Variants in KIAA1217 observed in about 807,000 individuals in gnomAD.
KIAA1217 encodes the protein sickle tail protein homolog.
A neutral mutation model predicts 163.9 loss-of-function variants in KIAA1217; 88 were observed. The observed-to-expected ratio is 0.54, with a 90% CI of 0.45 to 0.64. KIAA1217 has a LOEUF of 0.64. KIAA1217 is among the 30% of genes least tolerant of loss of function. KIAA1217 has a pLI of 0.00. For synonymous variants in KIAA1217, 903 were observed against 923.1 expected, an observed-to-expected ratio of 0.98 and a Z score of 0.39; for missense variants, 2,372 against 2,475.0, an observed-to-expected ratio of 0.96 and a Z score of 0.88.
rs182854646 is a variant in KIAA1217 at position 23,735,652 on chromosome 10, T to C, written c.-321+40418T>C. 7.1e-3 allele frequency among the ~76,000 whole-genome samples: 1,087 copies of C among 152,250 alleles called. 29 individuals are homozygous for C. Among genetic ancestry groups the C allele is most frequent in the Non-Finnish European group, 5.2e-3 (352 of 68,010 alleles). Reference sequence around the variant, plus strand: ...AATTAGGTTATTTGCTTTATTCTCATTGGGCTCAATGAGATCTTTATATAT... The same window carrying C: ...AATTAGGTTATTTGCTTTATTCTCACTGGGCTCAATGAGATCTTTATATAT... On this transcript the variant is annotated intron_variant, in intron 1 of 18. Coordinates refer to the KIAA1217 transcript ENST00000376462.
intron 2 of KIAA1217, among the ~76,000 whole-genome samples, chr10:24,258,117 G>C (rs1234378124): frequency 1.3e-5 from 2 of 152,102 alleles, no homozygotes; most frequent in East Asian, 3.9e-4. Context: ...AGAGGTCAAG[G>C]CTGCCGTGAG....
intron 1 of KIAA1217, among the ~76,000 whole-genome samples, chr10:23,896,812 G>A (rs555850139): frequency 7.9e-5 from 12 of 152,078 alleles, no homozygotes; most frequent in Middle Eastern, 3.4e-3. Context: ...TTAAGAGCTG[G>A]CTTCTTTTTT....
intron 2 of KIAA1217, among the ~76,000 whole-genome samples, chr10:24,063,518 T>G (rs1416064388): frequency 2.0e-5 from 3 of 152,226 alleles, no homozygotes; most frequent in Non-Finnish European, 4.4e-5. Flanking sequence ...TTGGTACCAG[T>G]ACCATGCTGT....
intron 1 of KIAA1217, among the ~76,000 whole-genome samples, chr10:23,723,017 C>G (rs917344423): frequency 6.6e-6 from 1 of 152,166 alleles, no homozygotes; most frequent in Non-Finnish European, 1.5e-5. Flanking sequence ...CATCAGACAG[C>G]CCTTCAATAG....
At chr10:23,877,692 T>C (rs1840758801) in intron 1 of KIAA1217, among the ~76,000 whole-genome samples, 1 of 152,002 alleles carries the variant, frequency 6.6e-6, no homozygotes, top group Non-Finnish European at 1.5e-5. Context: ...TTTGATAGCT[T>C]CTGAATAAAT....
chr10:24,194,270 T>A (rs2066871083), intron 2 of KIAA1217, among the ~76,000 whole-genome samples: 1 of 147,704 alleles, frequency 6.8e-6, no homozygotes, highest in Non-Finnish European at 1.5e-5. Flanking sequence ...AATCTTGGCC[T>A]TCATTTCCCT....
intron 1 of KIAA1217, among the ~76,000 whole-genome samples, chr10:23,883,620 A>C (rs981351631): frequency 6.6e-6 from 1 of 151,926 alleles, no homozygotes; most frequent in Non-Finnish European, 1.5e-5. Context: ...ATGAACCTAC[A>C]TTGACACATC....
intron 1 of KIAA1217, among the ~76,000 whole-genome samples, chr10:23,866,376 G>C (rs1010371288): frequency 2.6e-5 from 4 of 152,130 alleles, no homozygotes; most frequent in Non-Finnish European, 5.9e-5. Flanking sequence ...TAATAAAAGT[G>C]GGTGAAAATT....
At position 23,870,269 on chromosome 10, in the gene KIAA1217, A is replaced by G. The variant is rs976184986; in HGVS notation, c.-320-136956A>G. Among the ~76,000 whole-genome samples the G allele has an allele frequency of 2.0e-5, 3 of 152,102 alleles. No homozygotes were observed. In the South Asian group the frequency reaches 6.2e-4, roughly 31 times the overall value. The stretch of plus-strand genomic sequence containing the variant: ...ATGCTGACTATATCCAGAGGTGGAA[A>G]TGTGTCTGGAGGCAGAAACATCTCT... On this transcript the variant is annotated intron_variant, in intron 1 of 18. Coordinates refer to the KIAA1217 transcript ENST00000376462.
intron 8 of KIAA1217, among the ~76,000 whole-genome samples, chr10:24,498,009 AG>A (rs1439629816): frequency 6.6e-6 from 1 of 152,214 alleles, no homozygotes; most frequent in African/African-American, 2.4e-5. Context: ...TTAGGCCCAC[AG>A]AGACAGAAAG....
intron 5 of KIAA1217, among the ~76,000 whole-genome samples, chr10:24,459,839 G>C (rs1310615349): frequency 1.3e-5 from 2 of 152,182 alleles, no homozygotes; most frequent in Admixed American, 1.3e-4. Context: ...GCTGAGGTGG[G>C]AGGATCACTT....
At chr10:24,501,842 G>A (rs1470435448) in intron 9 of KIAA1217, among the ~76,000 whole-genome samples, 1 of 134,262 alleles carries the variant, frequency 7.4e-6, no homozygotes, top group Admixed American at 8.7e-5. Flanking sequence ...TCCGTCTCCC[G>A]GGTTCACGCC....
chr10:24,429,931 T>C (rs2059458166), intron 3 of KIAA1217, among the ~76,000 whole-genome samples: 1 of 152,040 alleles, frequency 6.6e-6, no homozygotes, highest in Non-Finnish European at 1.5e-5. Context: ...TCACTTGAGC[T>C]CAGGAGTTTA....
At chr10:24,531,504 A>G (rs763748881) in intron 14 of KIAA1217, among the ~76,000 whole-genome samples, 3 of 152,188 alleles carry the variant, frequency 2.0e-5, no homozygotes, top group African/African-American at 7.2e-5. Flanking sequence ...ATTTAATAAT[A>G]GTAGGTAATA....
At chr10:24,326,608 G>A (rs2044938359) in intron 2 of KIAA1217, among the ~76,000 whole-genome samples, 1 of 152,106 alleles carries the variant, frequency 6.6e-6, no homozygotes. Context: ...GTTATTAAAT[G>A]TCATGCTTTT....
In KIAA1217 at chr10:24,096,167, C is replaced by T. The variant is rs546227810; in HGVS notation, c.-171+88793C>T. 2.0e-5 allele frequency among the ~76,000 whole-genome samples: 3 copies of T among 152,302 alleles called. No individual in the cohort carries two copies. The South Asian group carries it at 6.2e-4, about 32-fold the overall frequency. On this transcript the variant is annotated intron_variant, in intron 2 of 18. Coordinates refer to the KIAA1217 transcript ENST00000376462. ...GCATCAACCTCCACACCCATGCCTG[C>T]TTCTTTTTCTGGGTTCCCAACTCCT...
intron 2 of KIAA1217, among the ~76,000 whole-genome samples, chr10:24,191,117 C>T (rs1383400395): frequency 1.3e-5 from 2 of 152,026 alleles, no homozygotes; most frequent in Non-Finnish European, 2.9e-5. Context: ...AAGGTTGTGG[C>T]TGCAGTGAAC....
In KIAA1217 at chr10:23,708,608, G is replaced by A. The variant is rs182378643; in HGVS notation, c.-321+13374G>A. 2.6e-5 allele frequency among the ~76,000 whole-genome samples: 4 copies of A among 152,296 alleles called. No homozygotes were observed. The East Asian group carries it at 5.8e-4, about 22-fold the overall frequency. ...AGTAGAGGAGGCCCAATATGTACAG[G>A]CCTTGAGGCAGTCCTTGCGGAAGGC... On this transcript the variant is annotated intron_variant, in intron 1 of 18. Coordinates refer to the KIAA1217 transcript ENST00000376462.
intron 2 of KIAA1217, among the ~76,000 whole-genome samples, chr10:24,378,890 C>G (rs1591449651): frequency 6.6e-6 from 1 of 152,152 alleles, no homozygotes; most frequent in Non-Finnish European, 1.5e-5. Context: ...TATAGCCCTG[C>G]ATCTCTGATT....
Sources: allele counts gnomAD v4.1 joint callset (sites outside exome capture counted in the v4.1 genomes callset), GRCh38; gene constraint gnomAD v4.1.1; transcripts MANE v1.5; gene names NCBI Gene and HGNC (gene_info 2026-07-23, HGNC 2026-07-21).